The following ALDOB variants were observed in gnomAD, a reference collection of about 807,000 sequenced individuals.
The protein encoded by ALDOB is aldolase, fructose-bisphosphate B, also known as fructose-bisphosphate aldolase B.
A neutral mutation model predicts 41.0 loss-of-function variants in ALDOB; 39 were observed. The ratio of observed to expected loss-of-function variants is 0.95; its 90% CI spans 0.74 to 1.24. The LOEUF (loss-of-function observed/expected upper bound fraction) is 1.24, where lower values mean the gene tolerates loss of function less well. Ranked by LOEUF, ALDOB falls within the 50% of genes most tolerant of loss-of-function variation. The pLI is 0.00. For missense variants in ALDOB, 530 were observed against 457.3 expected (o/e 1.16, Z -1.45); for synonymous variants, 175 against 168.8 (o/e 1.04, Z -0.28).
In ALDOB at chr9:101,425,580, C is replaced by T. The variant is rs202031050; in HGVS notation, c.672G>A (p.Leu224=). Residue 224 remains leucine (L), a synonymous_variant, in exon 7 of 9, where the codon CTG becomes CTA. Coordinates refer to ENST00000647789, the MANE Select transcript of ALDOB (RefSeq NM_000035.4). ...TGTTGGGCTTTAGCAGGGTGCCCTC[C>T]AGGTAAACATGATGGTCATTCAGGG... ...YKALNDHHVY[L]EGTLLKPNMV... The T allele has an allele frequency of 6.2e-7, 1 of 1,614,098 alleles. No individual in the cohort carries two copies. Among genetic ancestry groups the T allele is most frequent in the Non-Finnish European group, 8.5e-7 (1 of 1,180,018 alleles).
At chr9:101,433,198 T>G (rs1002758881) in intron 1 of ALDOB, among the ~76,000 whole-genome samples, 4 of 152,228 alleles carry the variant, frequency 2.6e-5, no homozygotes, top group Non-Finnish European at 5.9e-5. Flanking sequence ...CACTATAAAA[T>G]GCAATGTATT....
chr9:101,427,694 A>C lies in ALDOB; in HGVS notation c.380-52T>G, dbSNP rs763400533. 25 of 1,608,198 alleles carry C rather than the reference A, an allele frequency of 1.6e-5. No individual in the cohort carries two copies. In the South Asian group the frequency reaches 2.5e-4, roughly 16 times the overall value. On this transcript the variant is annotated intron_variant, in intron 4 of 8. Coordinates refer to ENST00000647789, the MANE Select transcript of ALDOB (RefSeq NM_000035.4). ...TTCTTTGTACCTTTGTACCTGATCCATGGGGCTTCTAATAAAGGGAAGGAG... is the reference window on the plus strand; with the variant it reads ...TTCTTTGTACCTTTGTACCTGATCCCTGGGGCTTCTAATAAAGGGAAGGAG...
intron 8 of ALDOB, among the ~76,000 whole-genome samples, chr9:101,423,655 T>C (rs1175622965): frequency 6.6e-6 from 1 of 152,202 alleles, no homozygotes; most frequent in African/African-American, 2.4e-5. Context: ...TCTTCCCTCC[T>C]TTTTGTCTTA....
rs550729556 is a variant in ALDOB at position 101,427,387 on chromosome 9, A to C, written c.540+95T>G. On this transcript the variant is annotated intron_variant, in intron 5 of 8. Transcript: ENST00000647789. ...CACTAGGATATACTGGTGAGGGAAA[A>C]GGAGGTCCATTTGTAGTTATAGTAT... 2.7e-4 allele frequency: 396 copies of C among 1,468,088 alleles called. 2 individuals carry two copies. The South Asian group carries it at 4.4e-3, about 16-fold the overall frequency. The allele number at this position is 1,468,088 out of a possible 1,614,324, so 90.9% of individuals were successfully genotyped here. A position where few individuals can be genotyped will look rare whatever the true frequency, so the allele number is the denominator to read the frequency against.
intron 4 of ALDOB, 137 bp downstream of exon 4, chr9:101,428,332 C>A: frequency 1.3e-6 from 1 of 797,042 alleles, no homozygotes; most frequent in Non-Finnish European, 2.2e-6. Context: ...AATGGAGGAG[C>A]TGGTATTGAA....
intron 2 of ALDOB, among the ~76,000 whole-genome samples, chr9:101,430,542 C>T (rs532511084): frequency 2.0e-4 from 31 of 152,298 alleles, no homozygotes; most frequent in African/African-American, 7.0e-4. Flanking sequence ...TACTACAAGG[C>T]TGGATTCAAA....
intron 8 of ALDOB, among the ~76,000 whole-genome samples, chr9:101,422,216 C>T (rs78321955): frequency 0.026 from 4,000 of 152,266 alleles, 186 homozygotes; most frequent in African/African-American, 0.091. Flanking sequence ...TAGTATAGTA[C>T]ACTATACCAA....
At chr9:101,422,266 A>G (rs1014189033) in intron 8 of ALDOB, among the ~76,000 whole-genome samples, 1 of 152,216 alleles carries the variant, frequency 6.6e-6, no homozygotes, top group South Asian at 2.1e-4. Context: ...TCCATTTTCT[A>G]CCTATATTGG....
At chr9:101,421,935 T>TTAGAGTAAA in intron 8 of ALDOB, 31 bp from the exon 9 acceptor site, 1 of 1,579,978 alleles carries the variant, frequency 6.3e-7, no homozygotes, top group Non-Finnish European at 8.7e-7. Flanking sequence ...AGGAGACTGG[T>TTAGAGTAAA]TAGAGTAAAT....
chr9:101,425,583 G>A lies in ALDOB; in HGVS notation c.669C>T (p.Tyr223=), dbSNP rs1311483685. The change falls in exon 7 of 9, where the codon TAC becomes TAT. Residue 223 remains tyrosine, a synonymous_variant. Transcript: ENST00000647789. Reference sequence around the variant, plus strand: ...TGGGCTTTAGCAGGGTGCCCTCCAGGTAAACATGATGGTCATTCAGGGCCT... The same window carrying A: ...TGGGCTTTAGCAGGGTGCCCTCCAGATAAACATGATGGTCATTCAGGGCCT... ...VYKALNDHHV[Y]LEGTLLKPNM... 12 of 1,614,134 alleles carry A rather than the reference G, an allele frequency of 7.4e-6. No homozygotes were observed. The highest frequency in any genetic ancestry group is 1.0e-5 in the Non-Finnish European group (12 of 1,180,012).
chr9:101,421,939 A>T (rs776178794), intron 8 of ALDOB, 35 bp from the exon 9 acceptor site: 2 of 1,565,098 alleles, frequency 1.3e-6, no homozygotes, highest in Non-Finnish European at 8.8e-7. Flanking sequence ...GACTGGTTAG[A>T]GTAAATGTGA....
At position 101,427,473 on chromosome 9, in the gene ALDOB, G is replaced by T. The variant is rs371263581; in HGVS notation, c.540+9C>A. The T allele has an allele frequency of 5.6e-6, 9 of 1,614,000 alleles. No individual in the cohort carries two copies. The highest frequency in any genetic ancestry group is 7.6e-6 in the Non-Finnish European group (9 of 1,180,016). ...TACTCTTTTTCAGCCCAAGGGGAAG[G>T]CAGAGCACCTGCTGACAGATGCTGG... On this transcript the variant is annotated intron_variant, in intron 5 of 8. Coordinates refer to ENST00000647789, the MANE Select transcript of ALDOB (RefSeq NM_000035.4).
intron 4 of ALDOB, among the ~76,000 whole-genome samples, chr9:101,427,887 T>C (rs961210072): frequency 1.2e-4 from 19 of 152,352 alleles, no homozygotes; most frequent in Middle Eastern, 3.4e-3. Context: ...ATAGTTAATA[T>C]GATACTCATT....
intron 1 of ALDOB, among the ~76,000 whole-genome samples, chr9:101,431,384 A>G (rs2118367758): frequency 6.6e-6 from 1 of 152,358 alleles, no homozygotes; most frequent in Middle Eastern, 3.4e-3. Flanking sequence ...ACTTGAAAGG[A>G]GAAATCTATA....
In ALDOB at chr9:101,427,504, C is replaced by T. The variant is rs756357123; in HGVS notation, c.518G>A (p.Arg173His). ...CACCTGCTGACAGATGCTGGCGTAG[C>T]GAGCCAGGGCGTTGGCGTTTTCCTG... is the stretch of plus-strand genomic sequence containing the variant. ...AIQENANALA[R>H]YASICQQNGL... is the part of the protein sequence containing the mutation. The change falls in exon 5 of 9, where the codon CGC (arginine) becomes CAC (histidine). Residue 173 changes from arginine (R) to histidine (H), a missense_variant. Transcript: ENST00000647789. 14 of 1,614,060 alleles carry T rather than the reference C, an allele frequency of 8.7e-6. No homozygotes were observed. The highest frequency in any genetic ancestry group is 8.0e-5 in the African/African-American group (6 of 74,938).
In ALDOB at chr9:101,425,542, C is replaced by T. The variant is rs1482528740; in HGVS notation, c.710G>A (p.Gly237Glu). The T allele has an allele frequency of 6.2e-7, 1 of 1,614,110 alleles. No homozygotes were observed. The highest frequency in any genetic ancestry group is 1.3e-5 in the African/African-American group (1 of 75,036). ...TLLKPNMVTA[G>E]HACTKKYTPE... ...AGTATACTTCTTGGTGCAGGCATGT[C>T]CAGCAGTCACCATGTTGGGCTTTAG... The change falls in exon 7 of 9, where the codon GGA (glycine) becomes GAA (glutamate). Residue 237 changes from glycine to glutamate, a missense_variant. Transcript: ENST00000647789.
At chr9:101,424,758 C>G in intron 8 of ALDOB, 85 bp downstream of exon 8, 1 of 1,532,006 alleles carries the variant, frequency 6.5e-7, no homozygotes, top group South Asian at 1.1e-5. Flanking sequence ...CTTCTTGGCC[C>G]AAAGAAAACA....
chr9:101,425,798 A>G (rs1157538714), intron 6 of ALDOB, among the ~76,000 whole-genome samples, 171 bp from the exon 7 acceptor site: 2 of 152,174 alleles, frequency 1.3e-5, no homozygotes, highest in Non-Finnish European at 2.9e-5. Flanking sequence ...TGCAATCCAT[A>G]GCCACTGAGC....
At chr9:101,434,029 C>T (rs978223404) in intron 1 of ALDOB, among the ~76,000 whole-genome samples, 8 of 152,142 alleles carry the variant, frequency 5.3e-5, no homozygotes, top group Admixed American at 1.3e-4. Context: ...ACCTTGGCCT[C>T]GCAAAGTGCT....
Sources: allele counts gnomAD v4.1 joint callset (sites outside exome capture counted in the v4.1 genomes callset), GRCh38; gene constraint gnomAD v4.1.1; transcripts MANE v1.5; gene names NCBI Gene and HGNC (gene_info 2026-07-23, HGNC 2026-07-21).